Variants in EYS observed in about 807,000 individuals in gnomAD.
EYS encodes the protein EGF-like photoreceptor maintenance factor.
Under a neutral mutation model 282.1 loss-of-function variants are expected in EYS, and 250 were observed. The ratio of observed to expected loss-of-function variants is 0.89; its 90% CI spans 0.80 to 0.98. The LOEUF (loss-of-function observed/expected upper bound fraction) is 0.98. Among genes scored for constraint, EYS ranks in the 50% least tolerant of loss-of-function variants. EYS has a pLI of 0.00. For synonymous variants in EYS, 1,355 were observed against 1,282.9 expected (o/e 1.06, Z -1.20); for missense variants, 4,016 against 3,709.0 (o/e 1.08, Z -2.15).
At position 63,720,696 on chromosome 6, in the gene EYS, ATT is replaced by A. The variant is rs1225788826; in HGVS notation, c.9333_9334del (p.Lys3111AsnfsTer2). The A allele has an allele frequency of 2.6e-6, 4 of 1,548,428 alleles. No individual in the cohort carries two copies. The highest frequency in any genetic ancestry group is 2.6e-6 in the Non-Finnish European group (3 of 1,145,708). ...TTCCTGAAAAAATACAACATCTTTAATTTTGCCAACAAAATTGGTTTTAAAAA... is the reference window on the plus strand; with the variant it reads ...TTCCTGAAAAAATACAACATCTTTAATTGCCAACAAAATTGGTTTTAAAAA... On this transcript the variant is annotated frameshift_variant, in exon 43 of 43. Transcript: ENST00000503581. LOFTEE classifies it high-confidence loss of function.
chr6:64,696,145 C>G (rs1347288144), intron 22 of EYS, among the ~76,000 whole-genome samples: 1 of 151,784 alleles, frequency 6.6e-6, no homozygotes, highest in East Asian at 1.9e-4. Flanking sequence ...GAGAAATGTA[C>G]CAAAGAGATA....
At chr6:64,744,502 C>A (rs963921184) in intron 22 of EYS, among the ~76,000 whole-genome samples, 5 of 152,142 alleles carry the variant, frequency 3.3e-5, no homozygotes, top group Non-Finnish European at 5.9e-5. Context: ...AACTATAGTA[C>A]AGTTTCAATG....
At chr6:63,914,507 G>A (rs927022233) in intron 35 of EYS, among the ~76,000 whole-genome samples, 1 of 152,120 alleles carries the variant, frequency 6.6e-6, no homozygotes, top group Non-Finnish European at 1.5e-5. Context: ...TAAGGAGTTC[G>A]AGATCAGCCT....
At chr6:64,858,612 AT>A (rs1249378040) in intron 19 of EYS, among the ~76,000 whole-genome samples, 1 of 152,002 alleles carries the variant, frequency 6.6e-6, no homozygotes, top group Non-Finnish European at 1.5e-5. Flanking sequence ...ATTTAAGATA[AT>A]TTTTTTATTT....
intron 12 of EYS, among the ~76,000 whole-genome samples, chr6:65,139,945 A>AT (rs1764286466): frequency 6.6e-6 from 1 of 152,024 alleles, no homozygotes; most frequent in Admixed American, 6.6e-5. Context: ...TAAAAAGATG[A>AT]TTTTTTAAAA....
Position 64,174,865 on chromosome 6 carries a change from G to A in EYS, c.6424+55727C>T, listed in dbSNP as rs139273859. On this transcript the variant is annotated intron_variant, in intron 31 of 42. Transcript: ENST00000503581. Reference sequence around the variant, plus strand: ...TTAAGAAAAAATGGTAAAATATCTGGTGGATATACAAATCACATAATCATG... The same window carrying A: ...TTAAGAAAAAATGGTAAAATATCTGATGGATATACAAATCACATAATCATG... Among the ~76,000 whole-genome samples, 33 of 152,034 alleles carry A rather than the reference G, an allele frequency of 2.2e-4. No individual in the cohort carries two copies. In the East Asian group the frequency reaches 6.2e-3, roughly 29 times the overall value.
chr6:64,769,294 C>T (rs968650576), intron 22 of EYS, among the ~76,000 whole-genome samples: 2 of 152,000 alleles, frequency 1.3e-5, no homozygotes, highest in African/African-American at 4.8e-5. Context: ...GAATGCCTAA[C>T]TCTGTTTGCC....
intron 35 of EYS, among the ~76,000 whole-genome samples, chr6:63,973,183 G>A (rs1484851264): frequency 6.6e-6 from 1 of 152,064 alleles, no homozygotes; most frequent in African/African-American, 2.4e-5. Context: ...CAGTGTAAAA[G>A]CATTCCTATT....
chr6:65,437,945 G>GTGC (rs1458528423), intron 5 of EYS, among the ~76,000 whole-genome samples: 1 of 151,786 alleles, frequency 6.6e-6, no homozygotes, highest in African/African-American at 2.4e-5. Context: ...CCATGTTGGT[G>GTGC]TGCTGCACCC....
intron 18 of EYS, 31 bp from the exon 19 acceptor site, chr6:64,886,873 C>T (rs1452084694): frequency 4.5e-6 from 6 of 1,326,178 alleles, no homozygotes; most frequent in South Asian, 1.5e-5. Flanking sequence ...GAGGAATAGC[C>T]ATGTAACAAT....
chr6:64,244,593 T>C (rs920860479), intron 30 of EYS, among the ~76,000 whole-genome samples: 4 of 152,148 alleles, frequency 2.6e-5, no homozygotes, highest in Non-Finnish European at 1.5e-5. Context: ...CACATTCACT[T>C]TATAGTCTCC....
At chr6:65,332,240 T>C in intron 11 of EYS, 1 of 608,804 alleles carries the variant, frequency 1.6e-6, no homozygotes, top group South Asian at 2.1e-5. Context: ...TTTTTCTCCA[T>C]CTACATTATC....
At chr6:65,671,495 C>T (rs1768389245) in intron 1 of EYS, among the ~76,000 whole-genome samples, 1 of 151,906 alleles carries the variant, frequency 6.6e-6, no homozygotes, top group Non-Finnish European at 1.5e-5. Flanking sequence ...TTTCACATAA[C>T]TAATGGAAAA....
intron 35 of EYS, among the ~76,000 whole-genome samples, chr6:63,879,056 G>A (rs1266173914): frequency 6.6e-6 from 1 of 152,158 alleles, no homozygotes; most frequent in Non-Finnish European, 1.5e-5. Flanking sequence ...GTTGGGAGCT[G>A]TAGACTGGAG....
chr6:64,452,159 G>A (rs1005615696), intron 26 of EYS, among the ~76,000 whole-genome samples: 9 of 152,212 alleles, frequency 5.9e-5, no homozygotes, highest in Admixed American at 5.9e-4. Context: ...CTTCAGCAAA[G>A]TCTCAGGATA....
intron 5 of EYS, among the ~76,000 whole-genome samples, chr6:65,456,878 T>G (rs2150406419): frequency 6.6e-6 from 1 of 152,266 alleles, no homozygotes; most frequent in East Asian, 1.9e-4. Context: ...ACTGTCCCTG[T>G]TTGTAGACAA....
At chr6:63,943,223 A>C (rs1765295142) in intron 35 of EYS, among the ~76,000 whole-genome samples, 1 of 152,224 alleles carries the variant, frequency 6.6e-6, no homozygotes, top group Admixed American at 6.5e-5. Context: ...CAACAAAAAC[A>C]ATAGAAAGAC....
chr6:65,537,907 C>G (rs908421637), intron 2 of EYS, among the ~76,000 whole-genome samples: 1 of 152,124 alleles, frequency 6.6e-6, no homozygotes, highest in African/African-American at 2.4e-5. Context: ...AGAGGATTTT[C>G]AAATTAGTAT....
chr6:65,324,469 A>G (rs1254170256), intron 11 of EYS, among the ~76,000 whole-genome samples: 1 of 152,192 alleles, frequency 6.6e-6, no homozygotes, highest in Non-Finnish European at 1.5e-5. Context: ...GAAGGAACAT[A>G]CAGTGAAACA....
Sources: allele counts gnomAD v4.1 joint callset (sites outside exome capture counted in the v4.1 genomes callset), GRCh38; gene constraint gnomAD v4.1.1; transcripts MANE v1.5; gene names NCBI Gene and HGNC (gene_info 2026-07-23, HGNC 2026-07-21).